Variants in SUGCT observed in about 807,000 individuals in gnomAD.
SUGCT encodes succinyl-CoA:glutarate CoA-transferase.
Under a neutral mutation model 55.0 loss-of-function variants are expected in SUGCT, and 41 were observed. The observed-to-expected ratio is 0.74, with a 90% CI of 0.58 to 0.97. The LOEUF (loss-of-function observed/expected upper bound fraction) is 0.97. SUGCT is among the 50% of genes least tolerant of loss of function. The pLI, the probability that SUGCT is intolerant of heterozygous loss-of-function variation, is 0.00. For missense variants in SUGCT, 568 were observed against 547.8 expected, an observed-to-expected ratio of 1.04 and a Z score of -0.37; for synonymous variants, 187 against 200.4, an observed-to-expected ratio of 0.93 and a Z score of 0.56.
intron 8 of SUGCT, among the ~76,000 whole-genome samples, chr7:40,294,493 AC>A (rs1562654141): frequency 6.6e-6 from 1 of 152,174 alleles, no homozygotes; most frequent in Non-Finnish European, 1.5e-5. Context: ...TCCAGAGTTT[AC>A]ATACCAGTCT....
chr7:41,038,486 A>G, the SUGCT span, among the ~76,000 whole-genome samples: 5 of 152,290 alleles, frequency 3.3e-5, 1 homozygote, highest in Admixed American at 3.3e-4. Context: ...TGAACAGACA[A>G]GTAGTCATAT....
At chr7:40,389,787 A>G (rs537669632) in intron 9 of SUGCT, among the ~76,000 whole-genome samples, 202 of 152,332 alleles carry the variant, frequency 1.3e-3, no homozygotes, top group Middle Eastern at 3.4e-3. Flanking sequence ...GCACTCTGAT[A>G]TGGATAATAT....
intron 12 of SUGCT, among the ~76,000 whole-genome samples, chr7:40,689,083 A>G (rs941217382): frequency 1.3e-5 from 2 of 152,236 alleles, no homozygotes; most frequent in African/African-American, 2.4e-5. Context: ...TTTCTGAGGC[A>G]GACCCAACTT....
In SUGCT at chr7:40,742,557, C is replaced by T. The variant is rs551021587; in HGVS notation, c.1090-6877C>T. On this transcript the variant is annotated intron_variant, in intron 12 of 13. Transcript: ENST00000335693. Reference sequence around the variant, plus strand: ...ATGCTGCCGCTCATCTGACAGGAGGCGGAGCTCAAGCTGTAATGCTCCTTG... The same window carrying T: ...ATGCTGCCGCTCATCTGACAGGAGGTGGAGCTCAAGCTGTAATGCTCCTTG... 3.9e-5 allele frequency among the ~76,000 whole-genome samples: 6 copies of T among 152,250 alleles called. 1 individual carries two copies. The South Asian group carries it at 1.0e-3, about 26-fold the overall frequency.
At chr7:40,908,841 A>G in the SUGCT span, among the ~76,000 whole-genome samples, 2 of 152,234 alleles carry the variant, frequency 1.3e-5, no homozygotes, top group African/African-American at 4.8e-5. Flanking sequence ...TAAAGAAAAT[A>G]CAACAACTTA....
chr7:40,919,347 T>C, the SUGCT span, among the ~76,000 whole-genome samples: 8 of 152,234 alleles, frequency 5.3e-5, no homozygotes, highest in Non-Finnish European at 1.0e-4. Flanking sequence ...GGTGCCAGCA[T>C]CCACCCAATT....
At chr7:40,964,654 C>T in the SUGCT span, 3 of 152,190 alleles carry the variant, frequency 2.0e-5, no homozygotes, top group East Asian at 5.8e-4. Context: ...GCTAAATGGG[C>T]CCCAAGTAAA....
the SUGCT span, among the ~76,000 whole-genome samples, chr7:40,985,249 T>G: frequency 6.6e-6 from 1 of 152,310 alleles, no homozygotes; most frequent in African/African-American, 2.4e-5. Context: ...AGGAGCAGTT[T>G]GTGATTCATT....
chr7:40,262,119 G>A (rs549698632), intron 7 of SUGCT, among the ~76,000 whole-genome samples: 4 of 152,100 alleles, frequency 2.6e-5, no homozygotes, highest in African/African-American at 4.8e-5. Context: ...TAGTGTGATC[G>A]AAGTATTAAG....
At chr7:40,976,208 G>A in the SUGCT span, among the ~76,000 whole-genome samples, 3 of 152,158 alleles carry the variant, frequency 2.0e-5, no homozygotes, top group Non-Finnish European at 2.9e-5. Flanking sequence ...TGCGTTGCAG[G>A]CAGATTTTTC....
At chr7:40,922,216 C>A in the SUGCT span, among the ~76,000 whole-genome samples, 1 of 152,286 alleles carries the variant, frequency 6.6e-6, no homozygotes, top group African/African-American at 2.4e-5. Flanking sequence ...CTAGTGACCC[C>A]TTTTGGGCTT....
the SUGCT span, among the ~76,000 whole-genome samples, chr7:40,962,651 C>T: frequency 6.6e-6 from 1 of 151,048 alleles, no homozygotes; most frequent in African/African-American, 2.4e-5. Context: ...AGCATACTTG[C>T]ATTACTAGTG....
chr7:40,292,104 G>A (rs930240048), intron 8 of SUGCT, among the ~76,000 whole-genome samples: 1 of 152,188 alleles, frequency 6.6e-6, no homozygotes, highest in African/African-American at 2.4e-5. Context: ...TTAGCAGGTG[G>A]AGGTGGCTAC....
the SUGCT span, among the ~76,000 whole-genome samples, chr7:40,873,871 G>T: frequency 2.2e-4 from 34 of 152,328 alleles, no homozygotes; most frequent in African/African-American, 7.9e-4. Context: ...TGCCAGTGTT[G>T]TTGGAGTTCA....
chr7:40,391,002 T>G lies in SUGCT; in HGVS notation c.817-58285T>G, dbSNP rs547181136. Among the ~76,000 whole-genome samples the G allele has an allele frequency of 5.9e-5, 9 of 152,300 alleles. 1 individual carries two copies. The highest frequency in any genetic ancestry group is 5.9e-4 in the Admixed American group (9 of 15,296). On this transcript the variant is annotated intron_variant, in intron 9 of 13. Transcript: ENST00000335693. Reference sequence around the variant, plus strand: ...CCACACATCTACAACCATCTGTTCTTTGACAAACCTGACAGAAACAAGAAA... The same window carrying G: ...CCACACATCTACAACCATCTGTTCTGTGACAAACCTGACAGAAACAAGAAA...
At chr7:40,874,258 T>A in the SUGCT span, among the ~76,000 whole-genome samples, 1 of 152,184 alleles carries the variant, frequency 6.6e-6, no homozygotes, top group Non-Finnish European at 1.5e-5. Context: ...TCCAAAGCTA[T>A]ACCTTGTGAA....
At chr7:41,035,321 G>A in the SUGCT span, among the ~76,000 whole-genome samples, 2 of 152,174 alleles carry the variant, frequency 1.3e-5, no homozygotes, top group Admixed American at 1.3e-4. Context: ...ACTTACAATA[G>A]GGCCCTCTTA....
intron 13 of SUGCT, among the ~76,000 whole-genome samples, chr7:40,806,770 T>G (rs1229194426): frequency 3.9e-5 from 6 of 152,134 alleles, no homozygotes; most frequent in Non-Finnish European, 1.5e-5. Context: ...AATGCTGGGA[T>G]CGGAACCTTG....
chr7:40,632,547 G>A (rs1799833861), intron 12 of SUGCT, among the ~76,000 whole-genome samples: 1 of 147,138 alleles, frequency 6.8e-6, no homozygotes, highest in African/African-American at 2.5e-5. Flanking sequence ...CATGAAAAAG[G>A]AATATGGAGT....
Sources: allele counts gnomAD v4.1 joint callset (sites outside exome capture counted in the v4.1 genomes callset), GRCh38; gene constraint gnomAD v4.1.1; transcripts MANE v1.5; gene names NCBI Gene and HGNC (gene_info 2026-07-23, HGNC 2026-07-21).